Variants in PALM2AKAP2 observed in about 807,000 individuals in gnomAD.
The protein encoded by PALM2AKAP2 is PALM2 and AKAP2 fusion, also known as PALM2-AKAP2 fusion protein.
PALM2AKAP2 carries 37 observed loss-of-function variants against 71.5 expected under a neutral mutation model. The ratio of observed to expected loss-of-function variants is 0.52; its 90% CI spans 0.40 to 0.68. PALM2AKAP2 has a LOEUF of 0.68. Among genes scored for constraint, PALM2AKAP2 ranks in the 30% least tolerant of loss-of-function variants. The pLI is 0.00. For synonymous variants in PALM2AKAP2, 468 were observed against 478.8 expected (o/e 0.98, Z 0.29); for missense variants, 1,224 against 1,191.8 (o/e 1.03, Z -0.40).
At chr9:109,648,369 C>G (rs1426199786) in intron 1 of PALM2AKAP2, among the ~76,000 whole-genome samples, 1 of 152,124 alleles carries the variant, frequency 6.6e-6, no homozygotes, top group African/African-American at 2.4e-5. Flanking sequence ...TTCATTCAAT[C>G]GACGGATTCT....
At chr9:109,868,319 G>T (rs1413699352) in intron 2 of PALM2AKAP2, among the ~76,000 whole-genome samples, 1 of 152,206 alleles carries the variant, frequency 6.6e-6, no homozygotes, top group African/African-American at 2.4e-5. Flanking sequence ...GTTGCAGAAT[G>T]TTGCTTTTCA....
In PALM2AKAP2 at chr9:109,913,914, G is replaced by A. The variant is rs532525361; in HGVS notation, c.258-9821G>A. 3.3e-5 allele frequency among the ~76,000 whole-genome samples: 5 copies of A among 152,012 alleles called. No homozygotes were observed. The East Asian group carries it at 5.8e-4, about 18-fold the overall frequency. On this transcript the variant is annotated intron_variant, in intron 3 of 9. Transcript: ENST00000302798. Reference sequence around the variant, plus strand: ...TGGGACTACAGGCGCCCGCCACTACGCCCAGCTAATTTTTTGTATTTTTAG... The same window carrying A: ...TGGGACTACAGGCGCCCGCCACTACACCCAGCTAATTTTTTGTATTTTTAG...
intron 1 of PALM2AKAP2, among the ~76,000 whole-genome samples, chr9:109,831,264 C>G (rs1399511924): frequency 6.6e-6 from 1 of 152,060 alleles, no homozygotes; most frequent in Non-Finnish European, 1.5e-5. Flanking sequence ...GTGTGCCTCT[C>G]TGTAGCTGAA....
intron 1 of PALM2AKAP2, among the ~76,000 whole-genome samples, chr9:109,762,791 C>A (rs1020248935): frequency 6.6e-6 from 1 of 152,212 alleles, no homozygotes; most frequent in African/African-American, 2.4e-5. Flanking sequence ...AGACAAGTGA[C>A]TTTTTGCCTT....
intron 7 of PALM2AKAP2, among the ~76,000 whole-genome samples, chr9:110,038,826 A>G (rs1323617734): frequency 6.7e-6 from 1 of 149,822 alleles, no homozygotes; most frequent in East Asian, 2.0e-4. Context: ...TTGTAATCCC[A>G]GCTACTTGGG....
At chr9:109,652,950 G>C (rs138237046) in intron 1 of PALM2AKAP2, among the ~76,000 whole-genome samples, 309 of 152,292 alleles carry the variant, frequency 2.0e-3, no homozygotes, top group Non-Finnish European at 3.6e-3. Flanking sequence ...CAAAATCCAA[G>C]CCTATTTCAT....
intron 1 of PALM2AKAP2, among the ~76,000 whole-genome samples, chr9:109,848,313 G>A (rs1234419811): frequency 2.6e-5 from 4 of 152,220 alleles, no homozygotes; most frequent in Non-Finnish European, 4.4e-5. Flanking sequence ...GCTGGGACTC[G>A]AACCCAGTCC....
intron 1 of PALM2AKAP2, among the ~76,000 whole-genome samples, chr9:109,859,160 C>G (rs1048651925): frequency 6.6e-6 from 1 of 152,104 alleles, no homozygotes; most frequent in Non-Finnish European, 1.5e-5. Context: ...TATTGAGGCT[C>G]GAACTAATCA....
rs141757388 is a variant in PALM2AKAP2, at chr9:110,081,825, A to G, written c.156+32970A>G. Among the ~76,000 whole-genome samples the G allele has an allele frequency of 2.4e-3, 365 of 152,082 alleles. 2 individuals are homozygous for G. The highest frequency in any genetic ancestry group is 8.4e-3 in the African/African-American group (348 of 41,482). ...ACTCCTCTTTCCTGTGAGAGCCCTC[A>G]CGATGTTAGAGATTTGGGGTGGGGT... is the stretch of plus-strand genomic sequence containing the variant. On this transcript the variant is annotated intron_variant, in intron 1 of 3. Transcript: ENST00000374525.
At chr9:109,730,181 G>T (rs75081197) in intron 1 of PALM2AKAP2, among the ~76,000 whole-genome samples, 2 of 152,156 alleles carry the variant, frequency 1.3e-5, no homozygotes, top group Non-Finnish European at 2.9e-5. Context: ...GAATGCACAA[G>T]GGAATGGAGA....
chr9:110,121,516 T>A (rs951364194), intron 1 of PALM2AKAP2, among the ~76,000 whole-genome samples: 4 of 152,196 alleles, frequency 2.6e-5, no homozygotes, highest in African/African-American at 9.6e-5. Flanking sequence ...AGTGCCACCC[T>A]TTCCCCTGCA....
At chr9:109,672,529 T>C (rs1045804706) in intron 1 of PALM2AKAP2, among the ~76,000 whole-genome samples, 34 of 152,216 alleles carry the variant, frequency 2.2e-4, no homozygotes, top group Middle Eastern at 3.2e-3. Flanking sequence ...GATTTTTGCA[T>C]TGATTTTCAT....
intron 6 of PALM2AKAP2, among the ~76,000 whole-genome samples, chr9:109,952,347 A>G (rs1831660633): frequency 6.6e-6 from 1 of 152,270 alleles, no homozygotes; most frequent in African/African-American, 2.4e-5. Flanking sequence ...AAGAGTAGAT[A>G]TGATGCCTAC....
intron 6 of PALM2AKAP2, among the ~76,000 whole-genome samples, chr9:109,934,760 A>T (rs918166061): frequency 6.6e-6 from 1 of 152,202 alleles, no homozygotes; most frequent in Non-Finnish European, 1.5e-5. Context: ...GTTTATCCAT[A>T]GAATTGTTGT....
intron 1 of PALM2AKAP2, among the ~76,000 whole-genome samples, chr9:109,812,732 C>G (rs575417127): frequency 6.6e-6 from 1 of 152,218 alleles, no homozygotes; most frequent in East Asian, 1.9e-4. Flanking sequence ...TTCCCTAGGG[C>G]AGGTGCGCAT....
At chr9:109,997,079 C>G (rs891602952) in intron 6 of PALM2AKAP2, among the ~76,000 whole-genome samples, 1 of 152,082 alleles carries the variant, frequency 6.6e-6, no homozygotes, top group African/African-American at 2.4e-5. Flanking sequence ...GTCCCAGCTA[C>G]CCAGGAGGCT....
chr9:110,043,496 T>G (rs1833540972), intron 7 of PALM2AKAP2, among the ~76,000 whole-genome samples: 1 of 152,176 alleles, frequency 6.6e-6, no homozygotes, highest in Non-Finnish European at 1.5e-5. Context: ...CAATTTATTA[T>G]CAATCTGTAT....
At chr9:109,650,364 T>A (rs1827208989) in intron 1 of PALM2AKAP2, among the ~76,000 whole-genome samples, 1 of 145,148 alleles carries the variant, frequency 6.9e-6, no homozygotes, top group African/African-American at 2.5e-5. Context: ...TTATAGCTTG[T>A]GATTTGAGAA....
At chr9:109,647,162 A>C (rs1035304950) in intron 1 of PALM2AKAP2, among the ~76,000 whole-genome samples, 16 of 152,180 alleles carry the variant, frequency 1.1e-4, no homozygotes, top group African/African-American at 3.6e-4. Context: ...AAATGAAATC[A>C]TACCACATAT....
Sources: allele counts gnomAD v4.1 joint callset (sites outside exome capture counted in the v4.1 genomes callset), GRCh38; gene constraint gnomAD v4.1.1; transcripts MANE v1.5; gene names NCBI Gene and HGNC (gene_info 2026-07-23, HGNC 2026-07-21).